Variants in RIMS2 observed in about 807,000 individuals in gnomAD.
The protein encoded by RIMS2 is regulating synaptic membrane exocytosis protein 2.
RIMS2 carries 59 observed loss-of-function variants against 174.4 expected under a neutral mutation model. The ratio of observed to expected loss-of-function variants is 0.34; its 90% CI spans 0.27 to 0.42. RIMS2 has a LOEUF of 0.42. Ranked by LOEUF, RIMS2 falls within the 10% of genes least tolerant of loss-of-function variation. The pLI, the probability that RIMS2 is intolerant of heterozygous loss-of-function variation, is 1.00. For missense variants in RIMS2, 1,620 were observed against 1,666.3 expected (o/e 0.97, Z 0.48); for synonymous variants, 606 against 572.5 (o/e 1.06, Z -0.84).
At chr8:103,914,481 A>C (rs1565280600) in intron 6 of RIMS2, among the ~76,000 whole-genome samples, 4 of 152,228 alleles carry the variant, frequency 2.6e-5, no homozygotes, top group Admixed American at 1.3e-4. Flanking sequence ...AATAATCATT[A>C]TAGCCAGTAT....
At chr8:103,753,832 A>G (rs1463631086) in intron 2 of RIMS2, among the ~76,000 whole-genome samples, 3 of 151,994 alleles carry the variant, frequency 2.0e-5, no homozygotes, top group African/African-American at 7.2e-5. Flanking sequence ...CTTCTTTATT[A>G]GTCTTGCTAG....
intron 9 of RIMS2, chr8:103,920,747 T>C (rs1565318682): frequency 4.4e-6 from 2 of 454,594 alleles, no homozygotes; most frequent in Non-Finnish European, 8.9e-6. Flanking sequence ...CCCAGCACTT[T>C]GGGAGGCCGA....
chr8:103,614,191 G>A lies in RIMS2; in HGVS notation c.177-82895G>A, dbSNP rs150576331. On this transcript the variant is annotated intron_variant, in intron 1 of 23. Coordinates refer to ENST00000504942, the Ensembl canonical transcript of RIMS2. Reference sequence around the variant, plus strand: ...AGTACTTCTGCCTGTGGTAAGTCTTGCCAAGAAACTTGAGTTCTGACCACT... The same window carrying A: ...AGTACTTCTGCCTGTGGTAAGTCTTACCAAGAAACTTGAGTTCTGACCACT... 6.2e-3 allele frequency among the ~76,000 whole-genome samples: 938 copies of A among 152,358 alleles called. 12 individuals carry two copies. Among genetic ancestry groups the A allele is most frequent in the African/African-American group, 0.021 (888 of 41,578 alleles).
intron 2 of RIMS2, among the ~76,000 whole-genome samples, chr8:103,730,858 C>T (rs560304774): frequency 1.3e-5 from 2 of 152,222 alleles, no homozygotes. Flanking sequence ...TGTATTAGTT[C>T]ATTTTTATGT....
At chr8:104,089,022 A>T (rs2097584245) in intron 19 of RIMS2, among the ~76,000 whole-genome samples, 1 of 151,990 alleles carries the variant, frequency 6.6e-6, no homozygotes, top group Non-Finnish European at 1.5e-5. Flanking sequence ...TGATCTTCTT[A>T]ATAGTATGTA....
intron 1 of RIMS2, among the ~76,000 whole-genome samples, chr8:103,562,317 A>T (rs2091718958): frequency 6.6e-6 from 1 of 152,250 alleles, no homozygotes; most frequent in East Asian, 1.9e-4. Context: ...TCCTAGATAC[A>T]GTGGGAGTAC....
At chr8:103,776,811 G>A (rs2098323525) in intron 3 of RIMS2, among the ~76,000 whole-genome samples, 1 of 152,120 alleles carries the variant, frequency 6.6e-6, no homozygotes, top group Non-Finnish European at 1.5e-5. Context: ...GATGGGCAAA[G>A]TGCATTTTAT....
intron 19 of RIMS2, among the ~76,000 whole-genome samples, chr8:104,198,972 AT>A (rs1209248133): frequency 6.6e-6 from 1 of 152,364 alleles, no homozygotes; most frequent in Non-Finnish European, 1.5e-5. Flanking sequence ...TACTTATATA[AT>A]GAATTGGACA....
Position 104,208,828 on chromosome 8 carries a change from C to T in RIMS2, c.3335-36088C>T, listed in dbSNP as rs185410299. 7.9e-5 allele frequency among the ~76,000 whole-genome samples: 12 copies of T among 152,288 alleles called. No homozygotes were observed. The East Asian group carries it at 1.7e-3, about 22-fold the overall frequency. Reference sequence around the variant, plus strand: ...TTGGGATTACAGGCGTGAGCCACCACGCCCAGCCTGATAGACACTTTTAAA... The same window carrying T: ...TTGGGATTACAGGCGTGAGCCACCATGCCCAGCCTGATAGACACTTTTAAA... On this transcript the variant is annotated intron_variant, in intron 19 of 23. Transcript: ENST00000504942.
At chr8:103,902,817 G>T (rs2073477899) in intron 4 of RIMS2, among the ~76,000 whole-genome samples, 2 of 151,998 alleles carry the variant, frequency 1.3e-5, no homozygotes, top group South Asian at 4.1e-4. Context: ...GTTATTATTT[G>T]AAAAAAGTCC....
intron 2 of RIMS2, among the ~76,000 whole-genome samples, chr8:103,726,877 T>C (rs2097533180): frequency 6.6e-6 from 1 of 150,844 alleles, no homozygotes; most frequent in South Asian, 2.1e-4. Context: ...TAGCTGGGAT[T>C]ATAGGCACGT....
intron 19 of RIMS2, among the ~76,000 whole-genome samples, chr8:104,183,530 A>G (rs962126708): frequency 7.9e-5 from 12 of 151,568 alleles, no homozygotes; most frequent in African/African-American, 2.7e-4. Flanking sequence ...AATACCAGTA[A>G]CACCATAATG....
At chr8:103,644,291 CTGTT>C (rs1474053196) in intron 1 of RIMS2, among the ~76,000 whole-genome samples, 4 of 152,074 alleles carry the variant, frequency 2.6e-5, no homozygotes, top group Middle Eastern at 3.2e-3. Context: ...TTGTATTTGT[CTGTT>C]TGTTTAGTTT....
intron 1 of RIMS2, among the ~76,000 whole-genome samples, chr8:103,630,350 C>G (rs979329634): frequency 1.3e-5 from 2 of 151,816 alleles, no homozygotes; most frequent in African/African-American, 2.4e-5. Flanking sequence ...TTAAATCTAG[C>G]AAAAATATCC....
intron 19 of RIMS2, among the ~76,000 whole-genome samples, chr8:104,075,472 T>A (rs2154562224): frequency 6.6e-6 from 1 of 152,308 alleles, no homozygotes; most frequent in Non-Finnish European, 1.5e-5. Context: ...TATTTTTGAA[T>A]TAGAATTAAG....
At chr8:103,575,396 TATG>T (rs1380371883) in intron 1 of RIMS2, among the ~76,000 whole-genome samples, 3 of 152,086 alleles carry the variant, frequency 2.0e-5, no homozygotes, top group Non-Finnish European at 2.9e-5. Context: ...AAGCTGAACA[TATG>T]ATACCATATG....
intron 19 of RIMS2, among the ~76,000 whole-genome samples, chr8:104,167,395 T>C (rs765394676): frequency 1.3e-5 from 2 of 152,244 alleles, no homozygotes; most frequent in Admixed American, 6.5e-5. Flanking sequence ...GGGTATCTCA[T>C]TGTGGTTTTA....
At chr8:103,533,690 A>G (rs1281218436) in intron 1 of RIMS2, among the ~76,000 whole-genome samples, 1 of 151,372 alleles carries the variant, frequency 6.6e-6, no homozygotes, top group African/African-American at 2.4e-5. Context: ...AAAGAAAAAG[A>G]AAAAAACCTG....
At chr8:103,602,698 G>A (rs943005623) in intron 1 of RIMS2, among the ~76,000 whole-genome samples, 10 of 152,262 alleles carry the variant, frequency 6.6e-5, no homozygotes, top group African/African-American at 2.2e-4. Flanking sequence ...TTCATACAGT[G>A]TATCATTGAT....
Sources: allele counts gnomAD v4.1 joint callset (sites outside exome capture counted in the v4.1 genomes callset), GRCh38; gene constraint gnomAD v4.1.1; transcripts MANE v1.5; gene names NCBI Gene and HGNC (gene_info 2026-07-23, HGNC 2026-07-21).